Variants in PRLR observed in about 807,000 individuals in gnomAD.
PRLR encodes the protein prolactin receptor, also known as hPRL receptor.
In PRLR, 13 loss-of-function variants were observed where a neutral mutation model predicts 40.2. The ratio of observed to expected loss-of-function variants is 0.32; its 90% CI spans 0.21 to 0.51. The LOEUF (loss-of-function observed/expected upper bound fraction) is 0.51. Among genes scored for constraint, PRLR ranks in the 20% least tolerant of loss-of-function variants. The pLI, the probability that PRLR is intolerant of heterozygous loss-of-function variation, is 0.97. For synonymous variants in PRLR, 269 were observed against 278.7 expected (o/e 0.97, Z 0.35); for missense variants, 656 against 747.3 (o/e 0.88, Z 1.42).
intron 1 of PRLR, among the ~76,000 whole-genome samples, chr5:35,154,124 A>C (rs375380349): frequency 2.0e-5 from 3 of 152,366 alleles, no homozygotes; most frequent in East Asian, 3.9e-4. Flanking sequence ...ATACTTGAAT[A>C]TATTTCCTAA....
intron 1 of PRLR, among the ~76,000 whole-genome samples, chr5:35,147,686 C>G (rs894665809): frequency 4.6e-5 from 7 of 152,002 alleles, no homozygotes; most frequent in African/African-American, 1.7e-4. Flanking sequence ...TTTAAAAGAA[C>G]CAGAATATAG....
At chr5:35,168,091 T>G (rs1409746917) in intron 1 of PRLR, among the ~76,000 whole-genome samples, 2 of 151,922 alleles carry the variant, frequency 1.3e-5, no homozygotes, top group Admixed American at 1.3e-4. Flanking sequence ...AAATTAAAAC[T>G]TAATGCAAGA....
chr5:35,171,978 C>G (rs1427060911), intron 1 of PRLR, among the ~76,000 whole-genome samples: 1 of 151,992 alleles, frequency 6.6e-6, no homozygotes, highest in Non-Finnish European at 1.5e-5. Context: ...TTATTTTTTG[C>G]CCAGTCACAG....
intron 1 of PRLR, among the ~76,000 whole-genome samples, chr5:35,179,116 C>T (rs895012394): frequency 6.6e-6 from 1 of 152,194 alleles, no homozygotes; most frequent in Non-Finnish European, 1.5e-5. Flanking sequence ...CTGATCTCAA[C>T]CACATACCTC....
In PRLR at chr5:35,086,272, A is replaced by T; in HGVS notation, c.139T>A (p.Trp47Arg). 1 of 1,614,100 alleles carries T rather than the reference A, an allele frequency of 6.2e-7. No individual in the cohort carries two copies. Among genetic ancestry groups the T allele is most frequent in the Non-Finnish European group, 8.5e-7 (1 of 1,179,962 alleles). Residue 47 changes from tryptophan to arginine, a missense_variant, in exon 4 of 10, where the codon TGG (tryptophan) becomes AGG (arginine). By Grantham distance (101) the Trp-to-Arg change is moderately radical (BLOSUM62 -3). Transcript: ENST00000618457. The stretch of plus-strand genomic sequence containing the variant: ...CCTCCATCTGTCCCAGGCCTCCACC[A>T]GCAGGTGAATGTTTCCTTATTGGGA... ...RSPNKETFTC[W>R]WRPGTDGGLP...
At chr5:35,204,443 AG>A (rs1400658130) in intron 1 of PRLR, among the ~76,000 whole-genome samples, 1 of 152,056 alleles carries the variant, frequency 6.6e-6, no homozygotes, top group Non-Finnish European at 1.5e-5. Context: ...TAAGCAGCAG[AG>A]GGTACTTACA....
rs114338393 is a variant in PRLR, at chr5:35,123,414, T to C, written c.-105-5292A>G. ...AATGACTAAAAACATAAGTGACATTTGGAGGGAACTTGTATAATGTCATCA... is the reference window on the plus strand; with the variant it reads ...AATGACTAAAAACATAAGTGACATTCGGAGGGAACTTGTATAATGTCATCA... On this transcript the variant is annotated intron_variant, in intron 1 of 9. Transcript: ENST00000618457. Among the ~76,000 whole-genome samples the C allele has an allele frequency of 1.7e-3, 256 of 152,318 alleles. 3 individuals carry two copies. The highest frequency in any genetic ancestry group is 5.9e-3 in the African/African-American group (247 of 41,580).
At chr5:35,049,903 C>CT (rs57649490) in intron 8 of PRLR, among the ~76,000 whole-genome samples, 3,729 of 123,486 alleles carry the variant, frequency 0.03, 133 homozygotes, top group African/African-American at 0.078. Context: ...AAACTACATT[C>CT]TTTTTTTTTT....
rs1038503446 is a variant in PRLR, at chr5:35,062,033, A to G, written c.*3056T>C. ...TCTTTCTACACATATATTTGCACAT[A>G]ATCTTAGAATATGATTCTGTACACA... On this transcript the variant is annotated 3_prime_UTR_variant, in exon 10 of 10. Coordinates refer to ENST00000618457, the MANE Select transcript of PRLR (RefSeq NM_000949.7). 2.6e-5 allele frequency: 4 copies of G among 152,136 alleles called. No individual in the cohort carries two copies. Among genetic ancestry groups the G allele is most frequent in the African/African-American group, 9.7e-5 (4 of 41,424 alleles). The allele number at this position is 152,136 out of a possible 1,614,324, so 9.4% of individuals were successfully genotyped here.
At chr5:35,048,838 C>A (rs1013937801) in exon 9 of PRLR, 11 of 264,184 alleles carry the variant, frequency 4.2e-5, no homozygotes, top group Non-Finnish European at 3.8e-5. Flanking sequence ...AATGGGGGAC[C>A]ACGTGCTTTA....
intron 1 of PRLR, among the ~76,000 whole-genome samples, chr5:35,222,577 C>T (rs1776452282): frequency 6.6e-6 from 1 of 152,094 alleles, no homozygotes; most frequent in Admixed American, 6.5e-5. Flanking sequence ...ACTGTGACTG[C>T]CTATGGGTCA....
chr5:35,117,709 C>T (rs1479907140), intron 2 of PRLR, among the ~76,000 whole-genome samples: 1 of 152,192 alleles, frequency 6.6e-6, no homozygotes, highest in Non-Finnish European at 1.5e-5. Context: ...CAATATTTCT[C>T]TCTCTGATTA....
At chr5:35,080,770 T>C (rs1770457393) in intron 5 of PRLR, among the ~76,000 whole-genome samples, 2 of 151,972 alleles carry the variant, frequency 1.3e-5, no homozygotes, top group Admixed American at 1.3e-4. Context: ...CTATTCACAA[T>C]AGCAAGACTT....
chr5:35,211,288 C>T (rs1353409626), intron 1 of PRLR, among the ~76,000 whole-genome samples: 1 of 152,088 alleles, frequency 6.6e-6, no homozygotes, highest in Non-Finnish European at 1.5e-5. Flanking sequence ...TTGCTATAGT[C>T]AAAAGGTACA....
At chr5:35,114,209 G>C (rs540187863) in intron 2 of PRLR, among the ~76,000 whole-genome samples, 4 of 152,268 alleles carry the variant, frequency 2.6e-5, no homozygotes, top group African/African-American at 9.6e-5. Flanking sequence ...TCGCTTGAGA[G>C]AGACAGAATA....
chr5:35,227,597 A>G (rs1776584017), intron 1 of PRLR, among the ~76,000 whole-genome samples: 1 of 152,248 alleles, frequency 6.6e-6, no homozygotes. Flanking sequence ...ACCTCACCAA[A>G]GTATACTGAT....
intron 1 of PRLR, among the ~76,000 whole-genome samples, chr5:35,147,361 G>T (rs555716547): frequency 6.6e-6 from 1 of 152,060 alleles, no homozygotes; most frequent in South Asian, 2.1e-4. Context: ...ATTCACAGAG[G>T]TCTGCTATAT....
intron 5 of PRLR, among the ~76,000 whole-genome samples, chr5:35,074,322 C>A (rs1006276472): frequency 6.6e-6 from 1 of 151,682 alleles, no homozygotes; most frequent in Non-Finnish European, 1.5e-5. Context: ...ATTTGCCAGG[C>A]GTGGTGGTGT....
In PRLR at chr5:35,065,307, C is replaced by T. The variant is rs756210863; in HGVS notation, c.1651G>A (p.Gly551Arg). ...ENNKEYAKVS[G>R]VMDNNILVLV... ...ACCAGGATGTTGTTATCCATGACCC[C>T]GGACACCTTGGCATACTCCTTATTG... Residue 551 changes from glycine to arginine, a missense_variant, in exon 10 of 10, where the codon GGG becomes AGG. Transcript: ENST00000618457. 50 of 1,614,118 alleles carry T rather than the reference C, an allele frequency of 3.1e-5. No homozygotes were observed. In the Middle Eastern group the frequency reaches 4.3e-3, roughly 138 times the overall value.
Sources: gnomAD v4.1 joint callset for allele counts (sites outside exome capture counted in the v4.1 genomes callset) on GRCh38, gnomAD v4.1.1 for gene constraint, MANE v1.5 for transcripts, NCBI Gene and HGNC (gene_info 2026-07-23, HGNC 2026-07-21) for gene names.